The following LRP1B variants were observed in gnomAD, a reference collection of about 807,000 sequenced individuals.
LRP1B encodes low-density lipoprotein receptor-related protein 1B.
A neutral mutation model predicts 556.6 loss-of-function variants in LRP1B; 217 were observed. That is an observed-to-expected ratio of 0.39 (90% CI 0.35 to 0.44). LRP1B has a LOEUF of 0.44. Ranked by LOEUF, LRP1B falls within the 20% of genes least tolerant of loss-of-function variation. LRP1B has a pLI of 1.00. For missense variants in LRP1B, 5,053 were observed against 5,620.8 expected (o/e 0.90, Z 3.23); for synonymous variants, 2,047 against 1,865.8 (o/e 1.10, Z -2.50).
At chr2:140,715,467 AG>A (rs1279931005) in intron 37 of LRP1B, among the ~76,000 whole-genome samples, 1 of 152,044 alleles carries the variant, frequency 6.6e-6, no homozygotes, top group Non-Finnish European at 1.5e-5. Context: ...GTACTCATGA[AG>A]CATCCAGATG....
At chr2:140,645,945 CCTT>C (rs1684468107) in intron 41 of LRP1B, among the ~76,000 whole-genome samples, 1 of 151,966 alleles carries the variant, frequency 6.6e-6, no homozygotes, top group African/African-American at 2.4e-5. Context: ...TTTTCCTACT[CCTT>C]ATTATAGTTT....
chr2:141,365,764 C>T lies in LRP1B; in HGVS notation c.344-111123G>A, dbSNP rs190056335. On this transcript the variant is annotated intron_variant, in intron 3 of 90. Coordinates refer to ENST00000389484, the MANE Select transcript of LRP1B (RefSeq NM_018557.3). ...CTCGGCTACCTGCAAGATCCGCCTC[C>T]CGGGTTCACACCATTCTCCTGCCTC... Among the ~76,000 whole-genome samples the T allele has an allele frequency of 2.4e-3, 366 of 150,982 alleles. 1 individual carries two copies. The highest frequency in any genetic ancestry group is 8.5e-3 in the African/African-American group (347 of 41,002).
intron 1 of LRP1B, among the ~76,000 whole-genome samples, chr2:142,067,937 T>C (rs2104905328): frequency 6.6e-6 from 1 of 151,662 alleles, no homozygotes; most frequent in Admixed American, 6.6e-5. Flanking sequence ...TGATAGGTAT[T>C]AGCATAATCT....
intron 1 of LRP1B, among the ~76,000 whole-genome samples, chr2:142,088,575 A>C (rs189614245): frequency 6.6e-6 from 1 of 152,208 alleles, no homozygotes; most frequent in Non-Finnish European, 1.5e-5. Flanking sequence ...CCTACAAAAA[A>C]GCTAGTCATG....
At chr2:141,621,821 G>A (rs1688513766) in intron 2 of LRP1B, among the ~76,000 whole-genome samples, 1 of 152,082 alleles carries the variant, frequency 6.6e-6, no homozygotes, top group African/African-American at 2.4e-5. Context: ...AAAGAAGATG[G>A]GGGAGGAAAA....
At chr2:140,672,046 A>G (rs1685503238) in intron 41 of LRP1B, among the ~76,000 whole-genome samples, 1 of 152,234 alleles carries the variant, frequency 6.6e-6, no homozygotes, top group Admixed American at 6.5e-5. Context: ...AATTCTGGGC[A>G]TGGTCTATCC....
At chr2:141,764,392 C>A (rs1694667353) in intron 2 of LRP1B, among the ~76,000 whole-genome samples, 1 of 152,158 alleles carries the variant, frequency 6.6e-6, no homozygotes, top group South Asian at 2.1e-4. Context: ...CCATGTTAGT[C>A]AGGATGGTCT....
At chr2:141,145,959 C>T (rs2105069289) in intron 7 of LRP1B, among the ~76,000 whole-genome samples, 1 of 89,982 alleles carries the variant, frequency 1.1e-5, no homozygotes, top group Non-Finnish European at 2.0e-5. Flanking sequence ...GAGTCTTGCT[C>T]TGTTGCCCAG....
intron 2 of LRP1B, among the ~76,000 whole-genome samples, chr2:141,705,350 AG>A (rs1014668700): frequency 9.2e-4 from 140 of 152,074 alleles, no homozygotes; most frequent in African/African-American, 3.3e-3. Context: ...ATGTGGGGAA[AG>A]CCCTTTATAT....
intron 35 of LRP1B, among the ~76,000 whole-genome samples, chr2:140,729,776 T>C (rs1687714603): frequency 6.6e-6 from 1 of 152,178 alleles, no homozygotes; most frequent in South Asian, 2.1e-4. Context: ...GGTACATTGA[T>C]AGAAAGCTTC....
intron 3 of LRP1B, among the ~76,000 whole-genome samples, chr2:141,276,418 A>G (rs1307410301): frequency 1.3e-5 from 2 of 151,998 alleles, no homozygotes; most frequent in Admixed American, 1.3e-4. Context: ...AGTATCTAAC[A>G]GGTAGTTTTT....
At chr2:142,100,300 G>C (rs907634370) in intron 1 of LRP1B, among the ~76,000 whole-genome samples, 2 of 151,926 alleles carry the variant, frequency 1.3e-5, no homozygotes, top group African/African-American at 4.8e-5. Context: ...AATGCTCTAT[G>C]AAGTTACCAT....
At chr2:142,085,427 C>A (rs373964586) in intron 1 of LRP1B, among the ~76,000 whole-genome samples, 48 of 152,288 alleles carry the variant, frequency 3.2e-4, no homozygotes, top group African/African-American at 9.9e-4. Context: ...TCTATCTATT[C>A]ATTCAATCAA....
intron 41 of LRP1B, among the ~76,000 whole-genome samples, chr2:140,644,505 C>T (rs1317454659): frequency 6.6e-6 from 1 of 151,034 alleles, no homozygotes; most frequent in Admixed American, 6.6e-5. Flanking sequence ...CTCACACAAT[C>T]CTCCCACCTC....
rs1180967623 is a variant in LRP1B, at chr2:141,034,547, G to A, written c.1789+14439C>T. On this transcript the variant is annotated intron_variant, in intron 11 of 90. Transcript: ENST00000389484. ...AAACCCCATCAAAAAGTGGGCGAAG[G>A]ATATGAACAGACACTTCTTAAAAGA... is the stretch of plus-strand genomic sequence containing the variant. Among the ~76,000 whole-genome samples the A allele has an allele frequency of 3.3e-5, 5 of 152,018 alleles. No individual in the cohort carries two copies. The South Asian group carries it at 6.2e-4, about 19-fold the overall frequency.
chr2:140,748,591 G>GTGTATATA (rs1361412390), intron 35 of LRP1B, among the ~76,000 whole-genome samples: 1,270 of 73,116 alleles, frequency 0.017, 15 homozygotes, highest in East Asian at 0.039. Flanking sequence ...TATACAGTGT[G>GTGTATATA]TATATATATA....
chr2:141,923,751 G>A (rs1700261870), intron 1 of LRP1B, among the ~76,000 whole-genome samples: 1 of 151,348 alleles, frequency 6.6e-6, no homozygotes, highest in Admixed American at 6.6e-5. Flanking sequence ...GTTTGCTGTT[G>A]CTCAAGCTAA....
chr2:140,245,716 A>C (rs1295179022), intron 87 of LRP1B, among the ~76,000 whole-genome samples: 1 of 151,366 alleles, frequency 6.6e-6, no homozygotes, highest in East Asian at 1.9e-4. Context: ...TCTTGGGAAG[A>C]GAGATAAAGT....
In LRP1B at chr2:140,254,656, C is replaced by T. The variant is rs1412162218; in HGVS notation, c.13248-7494G>A. 3.9e-5 allele frequency among the ~76,000 whole-genome samples: 6 copies of T among 152,192 alleles called. No individual in the cohort carries two copies. In the East Asian group the frequency reaches 1.2e-3, roughly 29 times the overall value. On this transcript the variant is annotated intron_variant, in intron 86 of 90. Transcript: ENST00000389484. The stretch of plus-strand genomic sequence containing the variant: ...GCAACCTCCACCTTCTGGGTTCAAG[C>T]AATTCTCCTGCCTCAGCTCCCTGAG...
Sources: allele counts gnomAD v4.1 joint callset (sites outside exome capture counted in the v4.1 genomes callset), GRCh38; gene constraint gnomAD v4.1.1; transcripts MANE v1.5; gene names NCBI Gene and HGNC (gene_info 2026-07-23, HGNC 2026-07-21).